Variants in CRYBB1 observed in about 807,000 individuals in gnomAD.
The protein encoded by CRYBB1 is crystallin beta B1.
Under a neutral mutation model 29.5 loss-of-function variants are expected in CRYBB1, and 16 were observed. The ratio of observed to expected loss-of-function variants is 0.54; its 90% confidence interval spans 0.37 to 0.82. CRYBB1 has a LOEUF of 0.82. Ranked by LOEUF, CRYBB1 falls within the 40% of genes least tolerant of loss-of-function variation. The pLI is 0.00. For missense variants in CRYBB1, 300 were observed against 350.5 expected, an observed-to-expected ratio of 0.86 and a Z score of 1.15; for synonymous variants, 127 against 136.7, an observed-to-expected ratio of 0.93 and a Z score of 0.49.
At chr22:26,605,795 CAG>C (rs1022195378) in intron 4 of CRYBB1, among the ~76,000 whole-genome samples, 1 of 148,914 alleles carries the variant, frequency 6.7e-6, no homozygotes, top group Non-Finnish European at 1.5e-5. Context: ...CTTCCCACGA[CAG>C]GGGGCTGGAA....
intron 1 of CRYBB1, among the ~76,000 whole-genome samples, chr22:26,617,152 G>C (rs567596226): frequency 5.4e-4 from 82 of 152,304 alleles, no homozygotes; most frequent in Non-Finnish European, 9.8e-4. Context: ...GCATGTGGAG[G>C]GTTCTGAAAA....
At chr22:26,609,716 TAAG>T (rs764794935) in intron 3 of CRYBB1, among the ~76,000 whole-genome samples, 28 of 152,004 alleles carry the variant, frequency 1.8e-4, no homozygotes, top group Non-Finnish European at 3.4e-4. Flanking sequence ...CATGGGTGAA[TAAG>T]AAGGGAGCCT....
chr22:26,601,219 G>A (rs543402972), intron 5 of CRYBB1, among the ~76,000 whole-genome samples: 1 of 152,294 alleles, frequency 6.6e-6, no homozygotes, highest in Admixed American at 6.5e-5. Flanking sequence ...TGTCTGGCAT[G>A]GTCATTTGGA....
At chr22:26,612,628 C>T (rs971870957) in intron 2 of CRYBB1, among the ~76,000 whole-genome samples, 8 of 152,352 alleles carry the variant, frequency 5.3e-5, no homozygotes, top group Middle Eastern at 3.4e-3. Flanking sequence ...GTTGGGATTA[C>T]AGGCATGAGC....
At chr22:26,615,457 G>A (rs1026405631) in intron 2 of CRYBB1, among the ~76,000 whole-genome samples, 1 of 152,124 alleles carries the variant, frequency 6.6e-6, no homozygotes, top group Non-Finnish European at 1.5e-5. Flanking sequence ...GCTGTGAAGC[G>A]GTATGGTTTG....
intron 4 of CRYBB1, among the ~76,000 whole-genome samples, chr22:26,603,138 A>AAAAAAAC (rs1569204273): frequency 8.7e-5 from 13 of 148,818 alleles, no homozygotes; most frequent in South Asian, 4.2e-4. Flanking sequence ...AAAAAAAAAA[A>AAAAAAAC]AAAAAACAAA....
chr22:26,616,341 G>A lies in CRYBB1; in HGVS notation c.-19-3C>T. On this transcript the variant is annotated splice_region_variant and splice_polypyrimidine_tract_variant and intron_variant, in intron 1 of 5. Transcript: ENST00000647684. ...ACATGGTTCCCGCCTGCAAAAGTCT[G>A]TAAAGAAACTCTGGCCTTCAGGGAT... 6.2e-7 allele frequency: 1 copy of A among 1,607,322 alleles called. No homozygotes were observed. Among genetic ancestry groups the A allele is most frequent in the Non-Finnish European group, 8.5e-7 (1 of 1,176,236 alleles).
intron 4 of CRYBB1, among the ~76,000 whole-genome samples, chr22:26,607,224 T>C (rs1319456766): frequency 6.6e-6 from 1 of 151,872 alleles, no homozygotes; most frequent in Non-Finnish European, 1.5e-5. Flanking sequence ...GGTTTCGTCA[T>C]GTTGATCAGG....
chr22:26,603,642 C>A (rs1359186893), intron 4 of CRYBB1, among the ~76,000 whole-genome samples: 1 of 151,978 alleles, frequency 6.6e-6, no homozygotes, highest in South Asian at 2.1e-4. Context: ...CGGTGGCTCA[C>A]GCCTGTAATC....
At chr22:26,605,195 T>G (rs1455258941) in intron 4 of CRYBB1, among the ~76,000 whole-genome samples, 1 of 151,444 alleles carries the variant, frequency 6.6e-6, no homozygotes, top group African/African-American at 2.4e-5. Flanking sequence ...TTCCTGCTTC[T>G]GCTTTCCTAG....
At chr22:26,613,297 C>T (rs1929238269) in intron 2 of CRYBB1, among the ~76,000 whole-genome samples, 1 of 152,208 alleles carries the variant, frequency 6.6e-6, no homozygotes, top group South Asian at 2.1e-4. Context: ...GTTTCCCCAG[C>T]TGTAAGAGGA....
At chr22:26,605,715 A>G (rs1928956560) in intron 4 of CRYBB1, among the ~76,000 whole-genome samples, 2 of 149,634 alleles carry the variant, frequency 1.3e-5, no homozygotes, top group South Asian at 4.3e-4. Context: ...CAGGCCAACC[A>G]AAATGTCTGG....
intron 5 of CRYBB1, among the ~76,000 whole-genome samples, chr22:26,601,277 A>C (rs1928809744): frequency 6.6e-6 from 1 of 152,108 alleles, no homozygotes; most frequent in Admixed American, 6.5e-5. Context: ...CCTTCCATGT[A>C]TTCTCATGAC....
At chr22:26,604,141 C>G (rs1261579068) in intron 4 of CRYBB1, among the ~76,000 whole-genome samples, 1 of 11,590 alleles carries the variant, frequency 8.6e-5, no homozygotes, top group Non-Finnish European at 1.2e-4. Context: ...CAGGAAATAG[C>G]AGAGTGATGC....
At chr22:26,611,518 AC>A (rs1387397589) in intron 3 of CRYBB1, among the ~76,000 whole-genome samples, 32 of 142,408 alleles carry the variant, frequency 2.2e-4, no homozygotes, top group African/African-American at 8.5e-4. Flanking sequence ...CCCAGGCCGG[AC>A]TGCAGACTGC....
intron 3 of CRYBB1, among the ~76,000 whole-genome samples, chr22:26,610,741 A>T (rs1929130495): frequency 6.6e-6 from 1 of 152,090 alleles, no homozygotes; most frequent in Admixed American, 6.5e-5. Flanking sequence ...ATGCTGTATG[A>T]TCTCCCTCAG....
intron 3 of CRYBB1, among the ~76,000 whole-genome samples, chr22:26,610,062 C>A (rs1929109782): frequency 6.6e-6 from 1 of 152,132 alleles, no homozygotes; most frequent in Admixed American, 6.5e-5. Flanking sequence ...CCCAAGTCCC[C>A]CTAAAATCTC....
At chr22:26,606,237 T>G (rs1336980016) in intron 4 of CRYBB1, among the ~76,000 whole-genome samples, 1 of 152,148 alleles carries the variant, frequency 6.6e-6, no homozygotes, top group African/African-American at 2.4e-5. Flanking sequence ...AATTAATTGG[T>G]CTGGGGTGGG....
Position 26,601,895 on chromosome 22 carries a change from TCACGC to T in CRYBB1, c.554_558del (p.Ser185LysfsTer26). On this transcript the variant is annotated frameshift_variant, in exon 5 of 6. Transcript: ENST00000647684. LOFTEE classifies it high-confidence loss of function. ...GATGCTTACGTTCCACTGGAGACCT[TCACGC>T]TGCCCACGCGGTCACTGAAGCCGTA... 1.9e-6 allele frequency: 3 copies of T among 1,612,130 alleles called. No homozygotes were observed. Among genetic ancestry groups the T allele is most frequent in the Non-Finnish European group, 2.5e-6 (3 of 1,179,836 alleles).
Sources: gnomAD v4.1 joint callset for allele counts (sites outside exome capture counted in the v4.1 genomes callset) on GRCh38, gnomAD v4.1.1 for gene constraint, MANE v1.5 for transcripts, NCBI Gene and HGNC (gene_info 2026-07-23, HGNC 2026-07-21) for gene names.